CDKAL1: variants seen among roughly 807,000 people sequenced by gnomAD.
CDKAL1 encodes the protein CDKAL1 threonylcarbamoyladenosine tRNA methylthiotransferase.
Under a neutral mutation model 68.2 loss-of-function variants are expected in CDKAL1, and 32 were observed. The observed-to-expected ratio is 0.47, with a 90% CI of 0.35 to 0.63. The LOEUF is 0.63. CDKAL1 is among the 30% of genes least tolerant of loss of function. The probability of loss-of-function intolerance (pLI) is 0.00; values close to 1 mark genes in which losing one functional copy is unlikely to be tolerated. For synonymous variants in CDKAL1, 234 were observed against 244.3 expected, an observed-to-expected ratio of 0.96 and a Z score of 0.39; for missense variants, 606 against 696.7, an observed-to-expected ratio of 0.87 and a Z score of 1.47.
chr6:21,039,097 C>T (rs1769765912), intron 11 of CDKAL1, among the ~76,000 whole-genome samples: 1 of 152,160 alleles, frequency 6.6e-6, no homozygotes, highest in Non-Finnish European at 1.5e-5. Context: ...CTGTTAGGAT[C>T]CGGGCCACTC....
intron 8 of CDKAL1, among the ~76,000 whole-genome samples, chr6:20,822,081 G>A (rs1777304652): frequency 6.6e-6 from 1 of 152,158 alleles, no homozygotes; most frequent in Non-Finnish European, 1.5e-5. Flanking sequence ...GAGTTAGGTA[G>A]TTGTAACAGA....
chr6:20,779,871 A>C (rs1775339128), intron 7 of CDKAL1, among the ~76,000 whole-genome samples: 1 of 152,074 alleles, frequency 6.6e-6, no homozygotes, highest in African/African-American at 2.4e-5. Flanking sequence ...AAAACTTTAT[A>C]AATGTATTTA....
At chr6:21,021,543 T>C (rs1000834931) in intron 11 of CDKAL1, among the ~76,000 whole-genome samples, 1 of 152,188 alleles carries the variant, frequency 6.6e-6, no homozygotes, top group Admixed American at 6.5e-5. Flanking sequence ...ACAGCTTTTT[T>C]AATAAAATGC....
intron 13 of CDKAL1, among the ~76,000 whole-genome samples, chr6:21,113,209 A>G (rs1774209404): frequency 6.6e-6 from 1 of 152,200 alleles, no homozygotes; most frequent in Non-Finnish European, 1.5e-5. Context: ...TTACATTCGG[A>G]AACAGATATT....
At chr6:21,201,859 G>T (rs963985545) in intron 15 of CDKAL1, among the ~76,000 whole-genome samples, 13 of 151,774 alleles carry the variant, frequency 8.6e-5, no homozygotes, top group African/African-American at 3.1e-4. Flanking sequence ...ATTTCATTGA[G>T]CTACAGTTGT....
chr6:21,044,432 G>T lies in CDKAL1; in HGVS notation c.1056-20616G>T, dbSNP rs1431900322. On this transcript the variant is annotated intron_variant, in intron 11 of 15. Transcript: ENST00000274695. The stretch of plus-strand genomic sequence containing the variant: ...GACTTTACCACTCTGATACCTGGCT[G>T]GCTGATAGCATCACACACATTTATA... Among the ~76,000 whole-genome samples the T allele has an allele frequency of 3.9e-5, 6 of 152,276 alleles. No homozygotes were observed. The East Asian group carries it at 9.6e-4, about 24-fold the overall frequency.
intron 5 of CDKAL1, among the ~76,000 whole-genome samples, chr6:20,713,325 T>C (rs1255697009): frequency 1.3e-5 from 2 of 152,220 alleles, no homozygotes; most frequent in Non-Finnish European, 2.9e-5. Context: ...CATGTTTTGC[T>C]CTCCACTGCC....
intron 5 of CDKAL1, among the ~76,000 whole-genome samples, chr6:20,665,431 A>G (rs532860335): frequency 5.1e-4 from 77 of 152,312 alleles, no homozygotes; most frequent in Middle Eastern, 3.4e-3. Context: ...ATACAGAATT[A>G]CAGTGACAGT....
intron 4 of CDKAL1, among the ~76,000 whole-genome samples, chr6:20,567,908 C>G (rs537718838): frequency 6.6e-6 from 1 of 151,668 alleles, no homozygotes; most frequent in Non-Finnish European, 1.5e-5. Flanking sequence ...CGGAGTCTCC[C>G]TCTGTCGCCC....
intron 8 of CDKAL1, among the ~76,000 whole-genome samples, chr6:20,828,426 G>A (rs962263166): frequency 4.0e-5 from 6 of 151,672 alleles, no homozygotes; most frequent in African/African-American, 1.5e-4. Flanking sequence ...ACAGGGTTTT[G>A]CCATGTTGGC....
chr6:21,082,784 T>C (rs1772473977), intron 12 of CDKAL1, among the ~76,000 whole-genome samples: 1 of 152,168 alleles, frequency 6.6e-6, no homozygotes, highest in Non-Finnish European at 1.5e-5. Flanking sequence ...TTCTGATTTT[T>C]CTCAGATCTT....
intron 10 of CDKAL1, among the ~76,000 whole-genome samples, chr6:20,976,814 C>T (rs191313082): frequency 7.9e-5 from 12 of 152,238 alleles, no homozygotes; most frequent in African/African-American, 2.2e-4. Context: ...ATGAGCGTCA[C>T]GATGTTGTTG....
intron 11 of CDKAL1, among the ~76,000 whole-genome samples, chr6:21,055,107 G>C (rs1770756132): frequency 6.6e-6 from 1 of 152,118 alleles, no homozygotes; most frequent in Non-Finnish European, 1.5e-5. Flanking sequence ...AATCTGTTAA[G>C]ATCACTATGT....
chr6:21,196,590 C>T (rs1582398683), intron 13 of CDKAL1, among the ~76,000 whole-genome samples: 2 of 152,110 alleles, frequency 1.3e-5, no homozygotes, highest in South Asian at 2.1e-4. Flanking sequence ...TATTTAGGTA[C>T]TGGCATTGTA....
At position 20,823,617 on chromosome 6, in the gene CDKAL1, A is replaced by T. The variant is rs6900509; in HGVS notation, c.639-22458A>T. 2.3e-3 allele frequency among the ~76,000 whole-genome samples: 349 copies of T among 152,238 alleles called. 2 individuals are homozygous for T. The highest frequency in any genetic ancestry group is 6.0e-3 in the Admixed American group (92 of 15,286). ...TCAGTGTGAAAATAAAACATAAAAA[A>T]TGTTCCTGGAGTTACTTCTAAACAG... On this transcript the variant is annotated intron_variant, in intron 8 of 15. Coordinates refer to ENST00000274695, the MANE Select transcript of CDKAL1 (RefSeq NM_017774.3).
chr6:20,598,172 T>C (rs138313071), intron 4 of CDKAL1, among the ~76,000 whole-genome samples: 1 of 152,202 alleles, frequency 6.6e-6, no homozygotes, highest in Admixed American at 6.5e-5. Context: ...CTGTAAAGCA[T>C]TGGAGGGTTA....
intron 4 of CDKAL1, among the ~76,000 whole-genome samples, chr6:20,578,760 A>G (rs1765017982): frequency 2.0e-5 from 3 of 152,224 alleles, no homozygotes; most frequent in Admixed American, 2.0e-4. Context: ...AAGCATTGAC[A>G]TCTGATGAAG....
intron 9 of CDKAL1, among the ~76,000 whole-genome samples, chr6:20,891,430 G>C (rs1211695642): frequency 1.3e-5 from 2 of 152,098 alleles, no homozygotes. Context: ...GATCATGGGA[G>C]GTGAAAGTAC....
chr6:20,615,179 T>G (rs1766834744), intron 4 of CDKAL1, among the ~76,000 whole-genome samples: 1 of 25,248 alleles, frequency 4.0e-5, no homozygotes. Context: ...CAGTCTATCA[T>G]TGTTGGACAT....
Sources: allele counts gnomAD v4.1 joint callset (sites outside exome capture counted in the v4.1 genomes callset), GRCh38; gene constraint gnomAD v4.1.1; transcripts MANE v1.5; gene names NCBI Gene and HGNC (gene_info 2026-07-23, HGNC 2026-07-21).